Variants in ESRRB observed in about 807,000 individuals in gnomAD.
ESRRB encodes the protein estrogen related receptor beta, also known as steroid hormone receptor ERR2.
ESRRB carries 16 observed loss-of-function variants against 46.0 expected under a neutral mutation model. The observed-to-expected ratio is 0.35, with a 90% CI of 0.24 to 0.53. The LOEUF (loss-of-function observed/expected upper bound fraction) is 0.53, where lower values mean the gene tolerates loss of function less well. Ranked by LOEUF, ESRRB falls within the 20% of genes least tolerant of loss-of-function variation. The pLI, the probability that ESRRB is intolerant of heterozygous loss-of-function variation, is 0.93. For missense variants in ESRRB, 488 were observed against 607.4 expected (o/e 0.80, Z 2.07); for synonymous variants, 246 against 259.6 (o/e 0.95, Z 0.50).
rs558793202 is a variant in ESRRB at position 76,444,546 on chromosome 14, G to GT, written c.460+4805dup. ...CCTAAGAAGCTGGAATCTGTTGTGG[G>GT]TTTTTTTTTGTTTTGTTTTTGTAGA... is the stretch of plus-strand genomic sequence containing the variant. On this transcript the variant is annotated intron_variant, in intron 2 of 6. Transcript: ENST00000644823. 6.3e-3 allele frequency among the ~76,000 whole-genome samples: 950 copies of GT among 150,998 alleles called. 8 individuals carry two copies. Among genetic ancestry groups the GT allele is most frequent in the African/African-American group, 0.014 (594 of 41,192 alleles).
Position 76,461,692 on chromosome 14 carries a change from G to A in ESRRB, c.461-853G>A, listed in dbSNP as rs145118647. 8.5e-3 allele frequency among the ~76,000 whole-genome samples: 1,296 copies of A among 152,124 alleles called. 17 individuals carry two copies. The highest frequency in any genetic ancestry group is 0.03 in the African/African-American group (1,244 of 41,496). Reference sequence around the variant, plus strand: ...CCTGGCTAATTTTTTTGTATTTTTAGTAGAGACGGCATTTCACCATATTGG... The same window carrying A: ...CCTGGCTAATTTTTTTGTATTTTTAATAGAGACGGCATTTCACCATATTGG... On this transcript the variant is annotated intron_variant, in intron 2 of 6. Coordinates refer to ENST00000644823, the MANE Select transcript of ESRRB (RefSeq NM_001379180.1).
intron 1 of ESRRB, among the ~76,000 whole-genome samples, chr14:76,432,598 G>A (rs1887496348): frequency 6.7e-6 from 1 of 149,218 alleles, no homozygotes; most frequent in African/African-American, 2.5e-5. Context: ...GCCCCCCTCT[G>A]CCACCTACAA....
intron 1 of ESRRB, among the ~76,000 whole-genome samples, chr14:76,435,058 G>A (rs1020206987): frequency 2.6e-5 from 4 of 152,210 alleles, no homozygotes; most frequent in East Asian, 3.8e-4. Context: ...AGGGCAGAGC[G>A]GACAGGCTGT....
chr14:76,408,312 C>G (rs1362662576), intron 1 of ESRRB, among the ~76,000 whole-genome samples: 1 of 152,164 alleles, frequency 6.6e-6, no homozygotes, highest in Non-Finnish European at 1.5e-5. Flanking sequence ...GGCTCAGTGG[C>G]TCACGCCTGT....
chr14:76,323,318 T>C (rs1883890389), intron 1 of ESRRB, among the ~76,000 whole-genome samples: 3 of 151,388 alleles, frequency 2.0e-5, no homozygotes, highest in African/African-American at 7.3e-5. Context: ...TTTTTTTTTT[T>C]TTTTCTTTTG....
intron 1 of ESRRB, among the ~76,000 whole-genome samples, chr14:76,380,197 G>A (rs76258737): frequency 6.6e-6 from 1 of 152,270 alleles, no homozygotes; most frequent in Non-Finnish European, 1.5e-5. Flanking sequence ...TCAGCCCTCT[G>A]CTGAATGCCT....
intron 2 of ESRRB, among the ~76,000 whole-genome samples, chr14:76,458,538 C>A (rs117681019): frequency 4.6e-5 from 7 of 152,050 alleles, no homozygotes; most frequent in African/African-American, 1.7e-4. Flanking sequence ...TTGCTGTTAG[C>A]ACTTGGTCCT....
chr14:76,399,412 A>C (rs1035171748), intron 1 of ESRRB, among the ~76,000 whole-genome samples: 1 of 152,140 alleles, frequency 6.6e-6, no homozygotes, highest in African/African-American at 2.4e-5. Context: ...GAAATCAAAC[A>C]GCCAACACAG....
rs1174840981 is a variant in ESRRB at position 76,376,887 on chromosome 14, TG to T, written c.50+440del. Among the ~76,000 whole-genome samples the T allele has an allele frequency of 6.6e-6, 1 of 152,054 alleles. No homozygotes were observed. The highest frequency in any genetic ancestry group is 1.5e-5 in the Non-Finnish European group (1 of 68,012). Reference sequence around the variant, plus strand: ...GCGCTTTGTTTTATTATTTCCATCCTGGGGACCAAAAATGATCCCGGCAAGA... The same window carrying T: ...GCGCTTTGTTTTATTATTTCCATCCTGGGACCAAAAATGATCCCGGCAAGA... On this transcript the variant is annotated intron_variant, in intron 1 of 6. Transcript: ENST00000644823. The surrounding 1 kb of genome is among the most constrained non-coding windows in gnomAD (Gnocchi z 4.1).
chr14:76,333,142 T>TA (rs370790223), intron 1 of ESRRB, among the ~76,000 whole-genome samples: 70 of 4,994 alleles, frequency 0.014, 26 homozygotes, highest in Admixed American at 0.022. Context: ...ATATTATATA[T>TA]TATATATTAT....
At chr14:76,396,065 C>T (rs1019252835) in intron 1 of ESRRB, among the ~76,000 whole-genome samples, 10 of 152,032 alleles carry the variant, frequency 6.6e-5, no homozygotes, top group South Asian at 2.1e-4. Flanking sequence ...CCCAGCTACT[C>T]GGGAGGCTGA....
intron 1 of ESRRB, among the ~76,000 whole-genome samples, chr14:76,322,799 C>T (rs879861314): frequency 4.6e-5 from 7 of 152,188 alleles, no homozygotes; most frequent in Admixed American, 4.6e-4. Context: ...GGCCTCCTCG[C>T]CCACTCTCCT....
intron 1 of ESRRB, among the ~76,000 whole-genome samples, chr14:76,366,243 T>C (rs1477865791): frequency 6.6e-6 from 1 of 152,152 alleles, no homozygotes; most frequent in Non-Finnish European, 1.5e-5. Flanking sequence ...AAAGATTTTC[T>C]TCACATTAAA....
chr14:76,352,913 G>T (rs1236884921), intron 1 of ESRRB, among the ~76,000 whole-genome samples: 1 of 152,128 alleles, frequency 6.6e-6, no homozygotes, highest in Non-Finnish European at 1.5e-5. Context: ...CGCGCCCCTC[G>T]CTGAGCGCTC....
intron 6 of ESRRB, among the ~76,000 whole-genome samples, chr14:76,497,978 C>T (rs1373262086): frequency 6.6e-6 from 1 of 152,136 alleles, no homozygotes; most frequent in South Asian, 2.1e-4. Context: ...TGCTGCCACC[C>T]CCTGGTGACC....
chr14:76,472,739 A>C lies in ESRRB; in HGVS notation c.578-9277A>C, dbSNP rs1296593414. 2.0e-5 allele frequency among the ~76,000 whole-genome samples: 3 copies of C among 152,360 alleles called. No individual in the cohort carries two copies. The East Asian group carries it at 5.8e-4, about 29-fold the overall frequency. On this transcript the variant is annotated intron_variant, in intron 3 of 6. Transcript: ENST00000644823. ...ACAACTTCCAGAACCTCAGGGGCTC[A>C]TGATACCCACATCACCTTCTGGGTG...
At chr14:76,397,614 T>A (rs1885747610) in intron 1 of ESRRB, among the ~76,000 whole-genome samples, 1 of 152,036 alleles carries the variant, frequency 6.6e-6, no homozygotes, top group Non-Finnish European at 1.5e-5. Flanking sequence ...GACAAAATAA[T>A]TTGGGGCAGG....
At chr14:76,342,818 A>T (rs564222528) in intron 1 of ESRRB, among the ~76,000 whole-genome samples, 1 of 152,108 alleles carries the variant, frequency 6.6e-6, no homozygotes, top group South Asian at 2.1e-4. Flanking sequence ...TTGAGCATCT[A>T]CTCCATGCCA....
intron 3 of ESRRB, among the ~76,000 whole-genome samples, chr14:76,472,677 C>A (rs1334271059): frequency 6.6e-6 from 1 of 152,230 alleles, no homozygotes; most frequent in East Asian, 1.9e-4. Context: ...GAGTTCAGGG[C>A]ATTGCACTGG....
Sources: allele counts gnomAD v4.1 joint callset (sites outside exome capture counted in the v4.1 genomes callset), GRCh38; gene constraint gnomAD v4.1.1; non-coding constraint Gnocchi (gnomAD v3.1); transcripts MANE v1.5; gene names NCBI Gene and HGNC (gene_info 2026-07-23, HGNC 2026-07-21).